The following NLRP13 variants were observed in gnomAD, a reference collection of about 807,000 sequenced individuals.
NLRP13 encodes the protein NACHT, LRR and PYD domains-containing protein 13.
NLRP13 carries 82 observed loss-of-function variants against 94.4 expected under a neutral mutation model. That is an observed-to-expected ratio of 0.87 (90% CI 0.73 to 1.04). The LOEUF (loss-of-function observed/expected upper bound fraction) is 1.04, where lower values mean the gene tolerates loss of function less well. Ranked by LOEUF, NLRP13 falls within the 50% of genes least tolerant of loss-of-function variation. NLRP13 has a pLI of 0.00. For synonymous variants in NLRP13, 553 were observed against 464.7 expected, an observed-to-expected ratio of 1.19 and a Z score of -2.45; for missense variants, 1,426 against 1,230.8, an observed-to-expected ratio of 1.16 and a Z score of -2.37.
chr19:55,892,470 G>A (rs1411723990), downstream of NLRP13, among the ~76,000 whole-genome samples: 1 of 152,136 alleles, frequency 6.6e-6, no homozygotes. Flanking sequence ...CACCCAGGCT[G>A]GAGTGCAGTG....
intron 4 of NLRP13, 85 bp from the exon 5 acceptor site, chr19:55,913,378 G>A: frequency 1.4e-6 from 2 of 1,403,712 alleles, no homozygotes; most frequent in Non-Finnish European, 9.6e-7. Flanking sequence ...CTACCCCAAA[G>A]ACTTGAATAA....
At chr19:55,896,618 A>G (rs916907852) in intron 10 of NLRP13, among the ~76,000 whole-genome samples, 7 of 151,788 alleles carry the variant, frequency 4.6e-5, no homozygotes, top group African/African-American at 1.7e-4. Flanking sequence ...GGAGTTCAAC[A>G]CCAGCCTCGA....
chr19:55,912,193 A>T lies in NLRP13; in HGVS notation c.1624T>A (p.Phe542Ile). 6.2e-7 allele frequency: 1 copy of T among 1,613,908 alleles called. No individual in the cohort carries two copies. The highest frequency in any genetic ancestry group is 8.5e-7 in the Non-Finnish European group (1 of 1,179,984). ...TTFTHLSFQE[F>I]FAAMSFVLEE... ...AGCACAAAGGACATGGCTGCAAAAA[A>T]CTCCTGGAAACTTAGGTGGGTGAAA... is the stretch of plus-strand genomic sequence containing the variant. Residue 542 changes from phenylalanine to isoleucine, a missense_variant, in exon 5 of 11, where the codon TTT becomes ATT. Coordinates refer to ENST00000342929, the MANE Select transcript of NLRP13 (RefSeq NM_176810.2).
At chr19:55,908,551 G>C (rs968768312) in intron 6 of NLRP13, among the ~76,000 whole-genome samples, 3 of 151,422 alleles carry the variant, frequency 2.0e-5, no homozygotes, top group African/African-American at 7.3e-5. Context: ...ACCAAACAAA[G>C]AAAATGTGGC....
intron 1 of NLRP13, 81 bp downstream of exon 1, chr19:55,931,912 A>AC: frequency 8.4e-7 from 1 of 1,191,458 alleles, no homozygotes; most frequent in Non-Finnish European, 1.2e-6. Context: ...GTGTGGAATG[A>AC]CCCCACAAAA....
chr19:55,906,814 G>T (rs1192079087), intron 7 of NLRP13, among the ~76,000 whole-genome samples: 1 of 152,060 alleles, frequency 6.6e-6, no homozygotes, highest in East Asian at 1.9e-4. Flanking sequence ...CCTTTCAGAG[G>T]TTGGATGGCC....
At position 55,932,295 on chromosome 19, in the gene NLRP13, A is replaced by G. The variant is rs138350568; in HGVS notation, c.17T>C (p.Ile6Thr). MNFSVITCPNGGTNQG... is the reference protein window; with the variant it reads MNFSVTTCPNGGTNQG... Reference sequence around the variant, plus strand: ...GTTGGTACCACCGTTGGGGCAGGTGATTACAGAAAAGTTCATCTTGCCCAA... The same window carrying G: ...GTTGGTACCACCGTTGGGGCAGGTGGTTACAGAAAAGTTCATCTTGCCCAA... Residue 6 changes from isoleucine to threonine, a missense_variant, in exon 1 of 11, where the codon ATC becomes ACC. Ile to Thr is a moderately conservative substitution (Grantham distance 89). Coordinates refer to ENST00000342929, the MANE Select transcript of NLRP13 (RefSeq NM_176810.2). The G allele has an allele frequency of 1.9e-6, 3 of 1,604,186 alleles. No homozygotes were observed. Among genetic ancestry groups the G allele is most frequent in the Non-Finnish European group, 2.5e-6 (3 of 1,177,704 alleles).
rs1243922760 is a variant in NLRP13 at position 55,912,113 on chromosome 19, C to T, written c.1704G>A (p.Met568Ile). 6.2e-7 allele frequency: 1 copy of T among 1,614,190 alleles called. No individual in the cohort carries two copies. Among genetic ancestry groups the T allele is most frequent in the Non-Finnish European group, 8.5e-7 (1 of 1,180,030 alleles). ...PHSTKPQEMK[M>I]LLQHVLLDKE... ...TGTCAAGCAAGACGTGTTGCAGTAA[C>T]ATCTTCATCTCTTGTGGCTTTGTGG... The change falls in exon 5 of 11, where the codon ATG becomes ATA. Residue 568 changes from methionine (M) to isoleucine (I), a missense_variant. Transcript: ENST00000342929.
At position 55,910,576 on chromosome 19, in the gene NLRP13, C is replaced by A. The variant is rs1430442161; in HGVS notation, c.2269G>T (p.Val757Phe). The A allele has an allele frequency of 6.2e-7, 1 of 1,604,112 alleles. No individual in the cohort carries two copies. Among genetic ancestry groups the A allele is most frequent in the African/African-American group, 1.3e-5 (1 of 74,810 alleles). ...CLALKNPRCK[V>F]QKLTCKSVTP... ...TCTCACACTTACGTCAGTTTCTGGA[C>A]TTTGCATCTTGGATTTTTCAGTGCA... Residue 757 changes from valine (V) to phenylalanine (F), a missense_variant, in exon 6 of 11, where the codon GTC (valine) becomes TTC (phenylalanine). Val to Phe is a conservative substitution (Grantham distance 50, BLOSUM62 -1). Coordinates refer to ENST00000342929, the MANE Select transcript of NLRP13 (RefSeq NM_176810.2).
intron 4 of NLRP13, among the ~76,000 whole-genome samples, chr19:55,921,530 G>A (rs1191051164): frequency 1.3e-5 from 2 of 152,114 alleles, no homozygotes; most frequent in African/African-American, 4.8e-5. Flanking sequence ...TAAAAAGCTG[G>A]AAGCCTAGAT....
chr19:55,895,837 C>A (rs186560370), downstream of NLRP13: 3 of 1,258,988 alleles, frequency 2.4e-6, no homozygotes, highest in African/African-American at 3.0e-5. Context: ...CGTTGGCCTG[C>A]ATGGCCTGAG....
chr19:55,914,267 C>A (rs1029350370), intron 4 of NLRP13, among the ~76,000 whole-genome samples: 1 of 152,182 alleles, frequency 6.6e-6, no homozygotes, highest in African/African-American at 2.4e-5. Context: ...GGGCCTACTA[C>A]GTATGCTGAG....
chr19:55,903,768 G>A (rs1022187156), intron 8 of NLRP13, among the ~76,000 whole-genome samples: 15 of 151,984 alleles, frequency 9.9e-5, no homozygotes, highest in African/African-American at 1.5e-4. Flanking sequence ...AAACCCCATT[G>A]GCTCTACCTT....
chr19:55,896,128 G>C lies in NLRP13; in HGVS notation c.2958-9C>G. 6.2e-7 allele frequency: 1 copy of C among 1,613,540 alleles called. No individual in the cohort carries two copies. Among genetic ancestry groups the C allele is most frequent in the Non-Finnish European group, 8.5e-7 (1 of 1,179,740 alleles). Reference sequence around the variant, plus strand: ...GATTGCATTTCGCCAACCTAGGGGCGGGTGGGAAGAAAGCACAACAGATAG... The same window carrying C: ...GATTGCATTTCGCCAACCTAGGGGCCGGTGGGAAGAAAGCACAACAGATAG... On this transcript the variant is annotated splice_polypyrimidine_tract_variant and intron_variant, in intron 10 of 10. Transcript: ENST00000342929.
intron 1 of NLRP13, among the ~76,000 whole-genome samples, chr19:55,926,833 T>G (rs1322069913): frequency 6.6e-6 from 1 of 152,192 alleles, no homozygotes; most frequent in Non-Finnish European, 1.5e-5. Context: ...AATTTTAAAC[T>G]TTTATGTATA....
downstream of NLRP13, among the ~76,000 whole-genome samples, chr19:55,892,655 A>C (rs1315415563): frequency 6.6e-6 from 1 of 152,134 alleles, no homozygotes; most frequent in Non-Finnish European, 1.5e-5. Context: ...TCCTGACCTC[A>C]GGTGATCTGC....
At position 55,895,990 on chromosome 19, in the gene NLRP13, A is replaced by G. The variant is rs1985997017; in HGVS notation, c.3087T>C (p.Cys1029=). The G allele has an allele frequency of 1.2e-6, 2 of 1,614,066 alleles. No individual in the cohort carries two copies. The highest frequency in any genetic ancestry group is 1.3e-5 in the African/African-American group (1 of 74,952). The part of the protein sequence containing the change: ...ELDTDGVKML[C]KALKKSTCRL... Reference sequence around the variant, plus strand: ...TGCATGTCGACTTTTTCAAAGCCTTACATAGCATCTTGACACCATCAGTAT... The same window carrying G: ...TGCATGTCGACTTTTTCAAAGCCTTGCATAGCATCTTGACACCATCAGTAT... Residue 1029 remains cysteine, a synonymous_variant, in exon 11 of 11, where the codon TGT becomes TGC. Coordinates refer to ENST00000342929, the MANE Select transcript of NLRP13 (RefSeq NM_176810.2).
rs756697248 is a variant in NLRP13, at chr19:55,913,271, C to A, written c.546G>T (p.Glu182Asp). 6.2e-7 allele frequency: 1 copy of A among 1,613,984 alleles called. No individual in the cohort carries two copies. Among genetic ancestry groups the A allele is most frequent in the Non-Finnish European group, 8.5e-7 (1 of 1,179,940 alleles). The change falls in exon 5 of 11, where the codon GAG (glutamate) becomes GAT (aspartate). Residue 182 changes from glutamate (E) to aspartate (D), a missense_variant. Glu to Asp is a conservative substitution (Grantham distance 45). Transcript: ENST00000342929. ...EEADHRRKYR[E>D]NMKAELLETW... Reference sequence around the variant, plus strand: ...TCTCCAGTAGTTCAGCCTTCATGTTCTCTCTGTATTTTCTTCTGTGGTCTA... The same window carrying A: ...TCTCCAGTAGTTCAGCCTTCATGTTATCTCTGTATTTTCTTCTGTGGTCTA...
intron 8 of NLRP13, among the ~76,000 whole-genome samples, chr19:55,903,545 C>G (rs1986249582): frequency 6.6e-6 from 1 of 152,134 alleles, no homozygotes; most frequent in Non-Finnish European, 1.5e-5. Flanking sequence ...CTTCTAGATT[C>G]CCGCAGTCCT....
Sources: gnomAD v4.1 joint callset for allele counts (sites outside exome capture counted in the v4.1 genomes callset) on GRCh38, gnomAD v4.1.1 for gene constraint, MANE v1.5 for transcripts, NCBI Gene and HGNC (gene_info 2026-07-23, HGNC 2026-07-21) for gene names.